BMP2K: variants seen among roughly 807,000 people sequenced by gnomAD.
The protein encoded by BMP2K is BMP2 inducible kinase.
Under a neutral mutation model 116.0 loss-of-function variants are expected in BMP2K, and 74 were observed. The observed-to-expected ratio is 0.64, with a 90% CI of 0.53 to 0.77. BMP2K has a LOEUF of 0.77. Among genes scored for constraint, BMP2K ranks in the 30% least tolerant of loss-of-function variants. BMP2K has a pLI of 0.00. For synonymous variants in BMP2K, 486 were observed against 502.5 expected (o/e 0.97, Z 0.44); for missense variants, 1,365 against 1,403.6 (o/e 0.97, Z 0.44).
intron 1 of BMP2K, among the ~76,000 whole-genome samples, chr4:78,809,923 G>C (rs1729004260): frequency 1.3e-5 from 2 of 152,092 alleles, no homozygotes; most frequent in African/African-American, 4.8e-5. Flanking sequence ...TTCTTTGCAT[G>C]TCTTATAATT....
At chr4:78,782,392 A>G (rs944377079) in intron 1 of BMP2K, among the ~76,000 whole-genome samples, 1 of 152,232 alleles carries the variant, frequency 6.6e-6, no homozygotes, top group African/African-American at 2.4e-5. Context: ...ATGTTGTATC[A>G]CACAAGTTGG....
chr4:78,801,684 A>G (rs1011653298), intron 1 of BMP2K, among the ~76,000 whole-genome samples: 6 of 152,082 alleles, frequency 3.9e-5, no homozygotes, highest in Non-Finnish European at 8.8e-5. Context: ...GAAGACATAT[A>G]TACTTTTTCT....
rs561881643 is a variant in BMP2K at position 78,840,091 on chromosome 4, T to C, written c.404-2294T>C. ...TAATAGGTTGTATTTTTGGTTTTTT[T>C]TTAACTAAGTGGTAATATGTGTACT... On this transcript the variant is annotated intron_variant, in intron 3 of 15. Transcript: ENST00000502613. Among the ~76,000 whole-genome samples, 4 of 151,894 alleles carry C rather than the reference T, an allele frequency of 2.6e-5. No individual in the cohort carries two copies. The South Asian group carries it at 8.3e-4, about 31-fold the overall frequency.
chr4:78,899,585 G>C (rs1733890298), intron 15 of BMP2K, among the ~76,000 whole-genome samples: 1 of 151,856 alleles, frequency 6.6e-6, no homozygotes, highest in Admixed American at 6.6e-5. Flanking sequence ...GCAAGACAAA[G>C]GAGATAAGAA....
chr4:78,817,731 A>C (rs183452659), intron 1 of BMP2K, among the ~76,000 whole-genome samples: 26 of 152,122 alleles, frequency 1.7e-4, no homozygotes, highest in Non-Finnish European at 3.2e-4. Flanking sequence ...GGTCGGGGGA[A>C]AGGGAAGGGA....
Position 78,808,265 on chromosome 4 carries a change from C to CTT in BMP2K, c.179-17755_179-17754dup, listed in dbSNP as rs532312072. On this transcript the variant is annotated intron_variant, in intron 1 of 15. Transcript: ENST00000502613. ...CATTATTGATTTGAGATCTTGCTTC[C>CTT]TTTTTTTTTTTTTTTTTTGAGACTG... Among the ~76,000 whole-genome samples the CTT allele has an allele frequency of 3.4e-3, 375 of 109,368 alleles. 3 individuals carry two copies. Among genetic ancestry groups the CTT allele is most frequent in the Middle Eastern group, 5.8e-3 (1 of 172 alleles). 71.7% of individuals were successfully genotyped at this position (109,368 alleles called of 152,430 possible). A position where few individuals can be genotyped will look rare whatever the true frequency, so the allele number is the denominator to read the frequency against.
At chr4:78,827,922 C>G (rs961293872) in intron 2 of BMP2K, among the ~76,000 whole-genome samples, 1 of 152,204 alleles carries the variant, frequency 6.6e-6, no homozygotes, top group Non-Finnish European at 1.5e-5. Flanking sequence ...CCTTGTTGGT[C>G]AATTAAGAGC....
At chr4:78,855,723 A>C (rs1394681712) in intron 7 of BMP2K, among the ~76,000 whole-genome samples, 1 of 152,172 alleles carries the variant, frequency 6.6e-6, no homozygotes, top group Non-Finnish European at 1.5e-5. Context: ...TTTTAGTCTT[A>C]TACTACCTTC....
intron 1 of BMP2K, among the ~76,000 whole-genome samples, chr4:78,777,792 A>G (rs996417791): frequency 6.6e-6 from 1 of 152,240 alleles, no homozygotes; most frequent in Non-Finnish European, 1.5e-5. Context: ...AATGCTATAC[A>G]CAACAGTAAA....
chr4:78,901,939 C>G (rs1179306592), intron 15 of BMP2K, among the ~76,000 whole-genome samples: 1 of 152,138 alleles, frequency 6.6e-6, no homozygotes, highest in Non-Finnish European at 1.5e-5. Context: ...GCTTTATTAT[C>G]TAATAGGAAG....
intron 15 of BMP2K, among the ~76,000 whole-genome samples, chr4:78,893,725 C>T (rs1733559989): frequency 6.6e-6 from 1 of 152,106 alleles, no homozygotes; most frequent in East Asian, 1.9e-4. Flanking sequence ...ACAACACCTG[C>T]GAAATTCTTT....
rs756621282 is a variant in BMP2K, at chr4:78,859,696, A to T, written c.987+9A>T. The T allele has an allele frequency of 2.7e-6, 4 of 1,506,292 alleles. No homozygotes were observed. The Admixed American group carries it at 5.2e-5, about 20-fold the overall frequency. The allele number at this position is 1,506,292 out of a possible 1,614,324, so 93.3% of individuals were successfully genotyped here. ...CAGTCTCCAACATCAATGTAAGTAG[A>T]TTTTCAAGTAGGATATGAATTTAAA... On this transcript the variant is annotated intron_variant, in intron 8 of 15. Coordinates refer to ENST00000502613, the MANE Select transcript of BMP2K (RefSeq NM_198892.2).
intron 15 of BMP2K, among the ~76,000 whole-genome samples, chr4:78,890,428 G>A (rs986103515): frequency 1.7e-4 from 25 of 145,728 alleles, no homozygotes; most frequent in South Asian, 4.2e-4. Context: ...ACACACACAC[G>A]TGTCCTGTCC....
At chr4:78,822,983 A>G (rs1280399647) in intron 1 of BMP2K, among the ~76,000 whole-genome samples, 2 of 152,178 alleles carry the variant, frequency 1.3e-5, no homozygotes, top group Admixed American at 1.3e-4. Flanking sequence ...CAGAAATAAT[A>G]TTAGCTTATC....
At chr4:78,877,770 C>A (rs1428642161) in intron 13 of BMP2K, among the ~76,000 whole-genome samples, 2 of 152,082 alleles carry the variant, frequency 1.3e-5, no homozygotes, top group Admixed American at 6.6e-5. Context: ...AACTGGCAGC[C>A]CAGTAGGTGT....
At chr4:78,810,055 C>T (rs1421862895) in intron 1 of BMP2K, among the ~76,000 whole-genome samples, 1 of 152,168 alleles carries the variant, frequency 6.6e-6, no homozygotes, top group Non-Finnish European at 1.5e-5. Context: ...TGTACTAATT[C>T]TGTGAAGTCT....
intron 1 of BMP2K, among the ~76,000 whole-genome samples, chr4:78,821,065 T>G (rs1339685979): frequency 7.2e-5 from 11 of 152,230 alleles, no homozygotes; most frequent in Admixed American, 7.2e-4. Flanking sequence ...TGCAATGTCT[T>G]TCTTCTACTC....
intron 1 of BMP2K, among the ~76,000 whole-genome samples, chr4:78,796,260 A>G (rs1187966848): frequency 6.6e-6 from 1 of 151,988 alleles, no homozygotes; most frequent in African/African-American, 2.4e-5. Context: ...ATTGGAAATC[A>G]TCATTCTCAG....
Position 78,776,665 on chromosome 4 carries a change from T to C in BMP2K, c.122T>C (p.Val41Ala). Residue 41 changes from valine to alanine, a missense_variant, in exon 1 of 16, where the codon GTC becomes GCC. Val to Ala is a moderately conservative substitution (Grantham distance 64). Transcript: ENST00000502613. ...GCGSGGSSVG[V>A]RVFAVGRHQV... ...GGCTCCGGCGGCTCGTCCGTGGGGG[T>C]CCGGGTGTTCGCGGTCGGCCGCCAC... 1 of 1,232,184 alleles carries C rather than the reference T, an allele frequency of 8.1e-7. No individual in the cohort carries two copies. Among genetic ancestry groups the C allele is most frequent in the African/African-American group, 1.6e-5 (1 of 63,274 alleles). The allele number at this position is 1,232,184 out of a possible 1,614,324, so 76.3% of individuals were successfully genotyped here.
Sources: allele counts gnomAD v4.1 joint callset (sites outside exome capture counted in the v4.1 genomes callset), GRCh38; gene constraint gnomAD v4.1.1; transcripts MANE v1.5; gene names NCBI Gene and HGNC (gene_info 2026-07-23, HGNC 2026-07-21).